The following CA10 variants were observed in gnomAD, a reference collection of about 807,000 sequenced individuals.
CA10 encodes the protein carbonic anhydrase-related protein 10.
CA10 carries 14 observed loss-of-function variants against 44.2 expected under a neutral mutation model. That is an observed-to-expected ratio of 0.32 (90% CI 0.21 to 0.50). The LOEUF (loss-of-function observed/expected upper bound fraction) is 0.50. Among genes scored for constraint, CA10 ranks in the 20% least tolerant of loss-of-function variants. The probability of loss-of-function intolerance (pLI) is 0.99; values close to 1 mark genes in which losing one functional copy is unlikely to be tolerated. For synonymous variants in CA10, 159 were observed against 141.6 expected (o/e 1.12, Z -0.87); for missense variants, 350 against 409.7 (o/e 0.85, Z 1.26).
chr17:52,065,583 C>T (rs1209083452), intron 2 of CA10, among the ~76,000 whole-genome samples: 1 of 152,132 alleles, frequency 6.6e-6, no homozygotes. Flanking sequence ...CTCATATGGC[C>T]CTCTTCTCTG....
chr17:52,124,952 T>C (rs1207115939), intron 1 of CA10, among the ~76,000 whole-genome samples: 1 of 152,178 alleles, frequency 6.6e-6, no homozygotes, highest in Non-Finnish European at 1.5e-5. Flanking sequence ...ATCTTCAGTG[T>C]TTTCTTCTCC....
chr17:51,720,487 T>C (rs761156375), intron 4 of CA10, among the ~76,000 whole-genome samples: 11 of 152,188 alleles, frequency 7.2e-5, no homozygotes, highest in Non-Finnish European at 1.2e-4. Flanking sequence ...GTCTGAAAAC[T>C]GGAGATATAA....
chr17:52,008,670 A>G (rs576487249), intron 2 of CA10, among the ~76,000 whole-genome samples: 2 of 151,924 alleles, frequency 1.3e-5, no homozygotes, highest in Non-Finnish European at 2.9e-5. Flanking sequence ...ACTTTGAAAG[A>G]TAACCTCAGT....
intron 3 of CA10, among the ~76,000 whole-genome samples, chr17:51,853,454 C>A (rs761227699): frequency 6.6e-6 from 1 of 152,300 alleles, no homozygotes; most frequent in South Asian, 2.1e-4. Context: ...CCCAGTGATT[C>A]CTTTAAGCAG....
At chr17:52,058,974 G>C (rs1347741397) in intron 2 of CA10, among the ~76,000 whole-genome samples, 1 of 152,126 alleles carries the variant, frequency 6.6e-6, no homozygotes, top group Non-Finnish European at 1.5e-5. Flanking sequence ...CAGGCTCTGA[G>C]TAAATTTTAC....
At chr17:52,070,646 T>G (rs1279827938) in intron 2 of CA10, 3 of 152,102 alleles carry the variant, frequency 2.0e-5, no homozygotes, top group Non-Finnish European at 4.4e-5. Flanking sequence ...TTATCTCAAT[T>G]AAATTTGAGA....
At chr17:51,921,665 G>A (rs1361797265) in intron 3 of CA10, among the ~76,000 whole-genome samples, 1 of 152,128 alleles carries the variant, frequency 6.6e-6, no homozygotes, top group Non-Finnish European at 1.5e-5. Flanking sequence ...GCATGACAAT[G>A]GCCTCACTTG....
intron 4 of CA10, among the ~76,000 whole-genome samples, chr17:51,728,542 C>T (rs1254291010): frequency 6.6e-6 from 1 of 152,162 alleles, no homozygotes; most frequent in Non-Finnish European, 1.5e-5. Flanking sequence ...GAATGTCCCT[C>T]AGTTTATGTT....
chr17:51,991,390 G>A (rs992330412), intron 2 of CA10, among the ~76,000 whole-genome samples: 2 of 152,072 alleles, frequency 1.3e-5, no homozygotes, highest in African/African-American at 2.4e-5. Flanking sequence ...AATAATCTTT[G>A]TATGCAATGA....
rs78733058 is a variant in CA10 at position 51,659,323 on chromosome 17, C to G, written c.466-5587G>C. Among the ~76,000 whole-genome samples the G allele has an allele frequency of 8.5e-3, 1,294 of 152,246 alleles. 14 individuals carry two copies. The highest frequency in any genetic ancestry group is 0.03 in the African/African-American group (1,236 of 41,538). On this transcript the variant is annotated intron_variant, in intron 4 of 8. Coordinates refer to ENST00000451037, the MANE Select transcript of CA10 (RefSeq NM_020178.5). ...AGACTCTGGGACTTACACTAGCGAC[C>G]ACCTCTCTCCCTGTGGTTTGGGATT...
At chr17:51,707,084 C>G (rs1597998497) in intron 4 of CA10, among the ~76,000 whole-genome samples, 1 of 152,074 alleles carries the variant, frequency 6.6e-6, no homozygotes, top group South Asian at 2.1e-4. Flanking sequence ...AGTTTTTGTT[C>G]TTTTTTTGTT....
intron 3 of CA10, among the ~76,000 whole-genome samples, chr17:51,924,326 G>A (rs531982799): frequency 1.3e-5 from 2 of 152,222 alleles, no homozygotes; most frequent in African/African-American, 2.4e-5. Flanking sequence ...GGGAACAAAA[G>A]GTATGTACGA....
At chr17:51,950,867 T>G (rs529773413) in intron 2 of CA10, among the ~76,000 whole-genome samples, 1 of 152,154 alleles carries the variant, frequency 6.6e-6, no homozygotes, top group Non-Finnish European at 1.5e-5. Flanking sequence ...AGCGCAGAGA[T>G]TTTTCACCTG....
At chr17:51,742,481 G>A (rs1904504966) in intron 4 of CA10, among the ~76,000 whole-genome samples, 2 of 152,286 alleles carry the variant, frequency 1.3e-5, no homozygotes, top group African/African-American at 4.8e-5. Flanking sequence ...ACAATTTGAT[G>A]TTAGTTGCTT....
At chr17:51,806,665 C>G (rs1907150862) in intron 3 of CA10, among the ~76,000 whole-genome samples, 1 of 152,156 alleles carries the variant, frequency 6.6e-6, no homozygotes, top group South Asian at 2.1e-4. Flanking sequence ...CAAGACCATG[C>G]TTTATGTTTT....
rs188812328 is a variant in CA10, at chr17:51,821,612, T to C, written c.280-73794A>G. On this transcript the variant is annotated intron_variant, in intron 3 of 8. Coordinates refer to ENST00000451037, the MANE Select transcript of CA10 (RefSeq NM_020178.5). ...CTACATCCAGGGGTCAGGAAGAACT[T>C]GTAAAAACTGAAGTCAGAACATGTC... Among the ~76,000 whole-genome samples, 10 of 152,112 alleles carry C rather than the reference T, an allele frequency of 6.6e-5. No homozygotes were observed. In the East Asian group the frequency reaches 1.9e-3, roughly 29 times the overall value.
intron 4 of CA10, among the ~76,000 whole-genome samples, chr17:51,728,317 T>C (rs966803677): frequency 6.6e-6 from 1 of 152,198 alleles, no homozygotes; most frequent in Non-Finnish European, 1.5e-5. Context: ...GAAGTTAACA[T>C]TGGCACAACA....
intron 2 of CA10, among the ~76,000 whole-genome samples, chr17:52,018,463 G>T (rs1986037287): frequency 6.6e-6 from 1 of 152,116 alleles, no homozygotes; most frequent in Admixed American, 6.5e-5. Context: ...TTATGGTGGA[G>T]ATTTAAGATT....
At chr17:51,926,183 C>T (rs953307425) in intron 3 of CA10, among the ~76,000 whole-genome samples, 2 of 152,088 alleles carry the variant, frequency 1.3e-5, no homozygotes, top group South Asian at 2.1e-4. Context: ...CAAGATGATA[C>T]TGAGAGTGGA....
Sources: gnomAD v4.1 joint callset for allele counts (sites outside exome capture counted in the v4.1 genomes callset) on GRCh38, gnomAD v4.1.1 for gene constraint, MANE v1.5 for transcripts, NCBI Gene and HGNC (gene_info 2026-07-23, HGNC 2026-07-21) for gene names.